PRR5: variants seen among roughly 807,000 people sequenced by gnomAD.
PRR5 encodes the protein proline rich 5, also known as proline-rich protein 5.
A neutral mutation model predicts 30.6 loss-of-function variants in PRR5; 25 were observed. The ratio of observed to expected loss-of-function variants is 0.82; its 90% confidence interval spans 0.60 to 1.14. The LOEUF (loss-of-function observed/expected upper bound fraction) is 1.14. PRR5 is among the 50% of genes most tolerant of loss of function. The pLI is 0.00. For synonymous variants in PRR5, 286 were observed against 247.1 expected (o/e 1.16, Z -1.48); for missense variants, 600 against 547.1 (o/e 1.10, Z -0.96).
At chr22:44,684,359 A>G (rs1406621820) in intron 1 of PRR5, among the ~76,000 whole-genome samples, 2 of 152,220 alleles carry the variant, frequency 1.3e-5, no homozygotes, top group Non-Finnish European at 2.9e-5. Flanking sequence ...CCTGGCCAAC[A>G]TGGTGAAACC....
At chr22:44,694,855 G>A (rs1033156568) in intron 1 of PRR5, among the ~76,000 whole-genome samples, 1 of 152,112 alleles carries the variant, frequency 6.6e-6, no homozygotes, top group South Asian at 2.1e-4. Context: ...TGACAGGGAA[G>A]GTATTGCAGC....
chr22:44,685,027 A>G (rs1255236373), intron 1 of PRR5, among the ~76,000 whole-genome samples: 2 of 152,162 alleles, frequency 1.3e-5, no homozygotes, highest in African/African-American at 4.8e-5. Context: ...GTGTAGCTCC[A>G]GAGTCACAGC....
Position 44,714,657 on chromosome 22 carries a change from C to T in PRR5, c.201C>T (p.Leu67=). 1.2e-6 allele frequency: 2 copies of T among 1,613,890 alleles called. No individual in the cohort carries two copies. The highest frequency in any genetic ancestry group is 1.7e-6 in the Non-Finnish European group (2 of 1,180,002). Residue 67 remains leucine (L), a synonymous_variant, in exon 2 of 8, where the codon CTC becomes CTT. Transcript: ENST00000336985. ...KGLPDQELFS[L]NEGVRQLLKT... is the part of the protein sequence containing the mutation. ...TGCCCGACCAGGAGCTCTTCAGCCT[C>T]AACGAGGGCGTCCGGTGAGTGCCTG...
At chr22:44,707,984 C>G (rs533682259) in intron 1 of PRR5, among the ~76,000 whole-genome samples, 2 of 152,156 alleles carry the variant, frequency 1.3e-5, no homozygotes, top group Non-Finnish European at 2.9e-5. Context: ...ATTCGCTTCT[C>G]ACTCACTCCA....
rs1925274311 is a variant in PRR5, at chr22:44,691,914, C to G, written c.-10-10578C>G. Among the ~76,000 whole-genome samples, 1 of 152,040 alleles carries G rather than the reference C, an allele frequency of 6.6e-6. No homozygotes were observed. The highest frequency in any genetic ancestry group is 1.5e-5 in the Non-Finnish European group (1 of 67,996). On this transcript the variant is annotated intron_variant, in intron 1 of 8. Coordinates refer to the PRR5 transcript ENST00000006251. The surrounding 1 kb of genome is among the most constrained non-coding windows in gnomAD (Gnocchi z 4.4). ...AGGGAAGCCAGGGCCTTGCCAGTGT[C>G]CAGAGGAGCCGACATCACCTCCACA...
intron 6 of PRR5, among the ~76,000 whole-genome samples, chr22:44,733,830 C>T (rs953110825): frequency 6.6e-6 from 1 of 152,184 alleles, no homozygotes. Flanking sequence ...GTACCAGCCC[C>T]GAAACCCCAA....
chr22:44,725,194 C>G, intron 2 of PRR5, 50 bp from the exon 3 acceptor site: 1 of 1,608,232 alleles, frequency 6.2e-7, no homozygotes, highest in Non-Finnish European at 8.5e-7. Flanking sequence ...GTCCCCCATG[C>G]CAGTGCCGTG....
At chr22:44,678,368 G>T (rs1448982242) in intron 1 of PRR5, among the ~76,000 whole-genome samples, 44 of 148,440 alleles carry the variant, frequency 3.0e-4, no homozygotes, top group South Asian at 6.4e-4. Flanking sequence ...TCTTGTTCAG[G>T]CTGGAGTGCG....
intron 1 of PRR5, among the ~76,000 whole-genome samples, chr22:44,681,515 A>G (rs1924281335): frequency 6.6e-6 from 1 of 151,722 alleles, no homozygotes; most frequent in Non-Finnish European, 1.5e-5. Context: ...TTGAAACCGG[A>G]AGGCAGAGGT....
Position 44,695,793 on chromosome 22 carries a change from G to T in PRR5, c.-10-6699G>T, listed in dbSNP as rs186624666. The stretch of plus-strand genomic sequence containing the variant: ...TTTTTGTATTTTTAGTAGAGACAGG[G>T]TTTCACCATGTTGACTAGGCTGGTC... On this transcript the variant is annotated intron_variant, in intron 1 of 8. Transcript: ENST00000006251. Among the ~76,000 whole-genome samples the T allele has an allele frequency of 2.9e-3, 446 of 151,918 alleles. 2 individuals are homozygous for T. The highest frequency in any genetic ancestry group is 0.014 in the Middle Eastern group (4 of 294).
intron 6 of PRR5, among the ~76,000 whole-genome samples, chr22:44,732,928 GCACATACTACACACGTGTGCA>G (rs1922435166): frequency 7.2e-6 from 1 of 138,940 alleles, no homozygotes; most frequent in Non-Finnish European, 1.6e-5. Flanking sequence ...ACGTGCGCAC[GCACATACTACACACGTGTGCA>G]CACATACGCG....
intron 1 of PRR5, among the ~76,000 whole-genome samples, chr22:44,694,976 G>A (rs1241460927): frequency 2.6e-5 from 4 of 152,236 alleles, no homozygotes; most frequent in Non-Finnish European, 2.9e-5. Context: ...TTCAAAACCA[G>A]CCTGGCCGAC....
chr22:44,713,803 C>T (rs1000523509), intron 1 of PRR5, among the ~76,000 whole-genome samples: 20 of 152,178 alleles, frequency 1.3e-4, no homozygotes, highest in South Asian at 1.0e-3. Context: ...AGTTTTGTTT[C>T]GTTTTCTTTT....
Position 44,691,650 on chromosome 22 carries a change from T to C in PRR5, c.-10-10842T>C, listed in dbSNP as rs545595797. ...CTAGCCAGGCGTGGTGGTGCACGCC[T>C]GTAATCGCAGCTACTCAGGAGGCTG... On this transcript the variant is annotated intron_variant, in intron 1 of 8. Coordinates refer to the PRR5 transcript ENST00000006251. The surrounding 1 kb of genome is among the most constrained non-coding windows in gnomAD (Gnocchi z 4.4). Among the ~76,000 whole-genome samples, 1 of 152,228 alleles carries C rather than the reference T, an allele frequency of 6.6e-6. No individual in the cohort carries two copies. Among genetic ancestry groups the C allele is most frequent in the South Asian group, 2.1e-4 (1 of 4,822 alleles).
chr22:44,671,470 C>T lies in PRR5; in HGVS notation c.-11+2665C>T, dbSNP rs114521860. ...TTTCTCGGTGACTTCAGAAACCCTCCGTCTCGGAGAGCAGCCCTGGTGCTG... is the reference window on the plus strand; with the variant it reads ...TTTCTCGGTGACTTCAGAAACCCTCTGTCTCGGAGAGCAGCCCTGGTGCTG... On this transcript the variant is annotated intron_variant, in intron 1 of 8. Transcript: ENST00000432186. 9.1e-3 allele frequency among the ~76,000 whole-genome samples: 1,388 copies of T among 152,176 alleles called. 23 individuals carry two copies. The highest frequency in any genetic ancestry group is 0.031 in the African/African-American group (1,293 of 41,526).
At chr22:44,696,151 T>A (rs1925728022) in intron 1 of PRR5, among the ~76,000 whole-genome samples, 1 of 152,006 alleles carries the variant, frequency 6.6e-6, no homozygotes, top group South Asian at 2.1e-4. Flanking sequence ...CTGGAATTCC[T>A]GACCTCAGGT....
intron 1 of PRR5, among the ~76,000 whole-genome samples, chr22:44,708,186 C>T (rs147104740): frequency 3.9e-5 from 6 of 151,970 alleles, no homozygotes; most frequent in African/African-American, 9.7e-5. Flanking sequence ...GGTGACAGAG[C>T]GAGACTCCAA....
At chr22:44,734,211 G>T (rs1206105365) in intron 6 of PRR5, 1 of 152,254 alleles carries the variant, frequency 6.6e-6, no homozygotes, top group African/African-American at 2.4e-5. Context: ...GGCGGAGGTT[G>T]CAGTGAGCCA....
intron 1 of PRR5, among the ~76,000 whole-genome samples, chr22:44,711,029 A>C (rs1017803381): frequency 2.0e-5 from 3 of 146,366 alleles, no homozygotes; most frequent in Non-Finnish European, 3.0e-5. Context: ...CCAGAAGTGT[A>C]GTTCAGAGTC....
Sources: gnomAD v4.1 joint callset for allele counts (sites outside exome capture counted in the v4.1 genomes callset) on GRCh38, gnomAD v4.1.1 for gene constraint, Gnocchi (gnomAD v3.1) non-coding constraint, MANE v1.5 for transcripts, NCBI Gene and HGNC (gene_info 2026-07-23, HGNC 2026-07-21) for gene names.